AGO2: variants seen among roughly 807,000 people sequenced by gnomAD.
The protein encoded by AGO2 is argonaute RISC catalytic component 2.
Under a neutral mutation model 102.3 loss-of-function variants are expected in AGO2, and 5 were observed. The observed-to-expected ratio is 0.05, with a 90% CI of 0.03 to 0.10. The LOEUF is 0.10. AGO2 is among the 10% of genes least tolerant of loss of function. AGO2 has a pLI of 1.00. For synonymous variants in AGO2, 449 were observed against 473.1 expected (o/e 0.95, Z 0.66); for missense variants, 541 against 1,183.7 (o/e 0.46, Z 7.97).
intron 1 of AGO2, chr8:140,591,751 A>T (rs1031750223): frequency 6.6e-6 from 1 of 152,238 alleles, no homozygotes; most frequent in Non-Finnish European, 1.5e-5. Flanking sequence ...CCCATAAATT[A>T]TGAATACATT....
chr8:140,596,634 A>G (rs900881308), intron 1 of AGO2, among the ~76,000 whole-genome samples: 1 of 152,236 alleles, frequency 6.6e-6, no homozygotes, highest in Admixed American at 6.5e-5. Flanking sequence ...ACAGATAGTC[A>G]TTATGCCATT....
At chr8:140,554,207 C>A (rs1225462477) in intron 10 of AGO2, among the ~76,000 whole-genome samples, 1 of 152,244 alleles carries the variant, frequency 6.6e-6, no homozygotes, top group Non-Finnish European at 1.5e-5. Context: ...GGGGCGTCTC[C>A]TCCCCAACTC....
intron 2 of AGO2, among the ~76,000 whole-genome samples, chr8:140,580,689 G>A (rs951937239): frequency 6.6e-6 from 1 of 152,354 alleles, no homozygotes; most frequent in East Asian, 1.9e-4. Flanking sequence ...GGTGGGTCAT[G>A]GGAGGAGGCA....
At chr8:140,598,908 C>T (rs144596815) in intron 1 of AGO2, among the ~76,000 whole-genome samples, 55 of 152,332 alleles carry the variant, frequency 3.6e-4, no homozygotes, top group African/African-American at 1.3e-3. Flanking sequence ...CATGCGTTTT[C>T]CTGCCTCTGC....
intron 13 of AGO2, among the ~76,000 whole-genome samples, chr8:140,545,223 C>T (rs1263803726): frequency 2.6e-5 from 4 of 152,180 alleles, no homozygotes; most frequent in South Asian, 2.1e-4. Flanking sequence ...TCACTGCTTG[C>T]GCTGGCTCCC....
At chr8:140,596,817 C>T (rs374810732) in intron 1 of AGO2, among the ~76,000 whole-genome samples, 5 of 152,010 alleles carry the variant, frequency 3.3e-5, no homozygotes, top group African/African-American at 4.8e-5. Flanking sequence ...GGCAAGTGGC[C>T]GGGGTGGGGG....
At chr8:140,580,666 G>C (rs539126450) in intron 2 of AGO2, among the ~76,000 whole-genome samples, 8 of 152,376 alleles carry the variant, frequency 5.3e-5, no homozygotes, top group African/African-American at 1.9e-4. Flanking sequence ...GTGTGAGCGG[G>C]GGGTCTCAGG....
intron 16 of AGO2, among the ~76,000 whole-genome samples, chr8:140,536,740 A>G (rs1396496282): frequency 6.6e-6 from 1 of 152,066 alleles, no homozygotes; most frequent in Non-Finnish European, 1.5e-5. Flanking sequence ...AGGTGTCACC[A>G]GGAGCAAGCT....
At chr8:140,573,337 T>G (rs928815611) in intron 2 of AGO2, among the ~76,000 whole-genome samples, 3 of 150,866 alleles carry the variant, frequency 2.0e-5, no homozygotes, top group Non-Finnish European at 4.4e-5. Context: ...ACTTGGCTAA[T>G]TTTTTGTATT....
chr8:140,552,244 G>A (rs1189171961), intron 10 of AGO2, among the ~76,000 whole-genome samples: 1 of 152,240 alleles, frequency 6.6e-6, no homozygotes, highest in Non-Finnish European at 1.5e-5. Context: ...GCCTGCAGCT[G>A]TGTCGGAAAC....
intron 13 of AGO2, among the ~76,000 whole-genome samples, chr8:140,544,893 C>T (rs1188228915): frequency 3.3e-5 from 5 of 152,198 alleles, no homozygotes; most frequent in South Asian, 4.1e-4. Context: ...GGAGGCAGCA[C>T]GCACAGGGGC....
chr8:140,619,495 G>T (rs1030484302), intron 1 of AGO2, among the ~76,000 whole-genome samples: 1 of 152,222 alleles, frequency 6.6e-6, no homozygotes, highest in African/African-American at 2.4e-5. Context: ...AACAGACCTG[G>T]CGCCAGGGAC....
intron 1 of AGO2, among the ~76,000 whole-genome samples, chr8:140,633,482 CA>C (rs1199565080): frequency 2.0e-5 from 3 of 152,144 alleles, no homozygotes; most frequent in Non-Finnish European, 4.4e-5. Context: ...CAACAATCTC[CA>C]AAAAGCAGCG....
At chr8:140,547,933 C>T (rs1215538337) in intron 12 of AGO2, among the ~76,000 whole-genome samples, 1 of 152,204 alleles carries the variant, frequency 6.6e-6, no homozygotes, top group Non-Finnish European at 1.5e-5. Context: ...AATTTATCAA[C>T]AAAACGATTT....
intron 1 of AGO2, among the ~76,000 whole-genome samples, chr8:140,618,042 G>A (rs911458354): frequency 2.6e-5 from 4 of 151,658 alleles, no homozygotes; most frequent in African/African-American, 9.7e-5. Context: ...GGTGGCTCAC[G>A]CCTGTAATCC....
rs1273450694 is a variant in AGO2 at position 140,531,383 on chromosome 8, C to A, written c.*661G>T. Reference sequence around the variant, plus strand: ...ATTAAAATGGCACTTGTCTGCCAACCTCTCTGGACCTGGAAATGCTGTAAA... The same window carrying A: ...ATTAAAATGGCACTTGTCTGCCAACATCTCTGGACCTGGAAATGCTGTAAA... On this transcript the variant is annotated 3_prime_UTR_variant, in exon 19 of 19. Transcript: ENST00000220592. 5 of 152,554 alleles carry A rather than the reference C, an allele frequency of 3.3e-5. No homozygotes were observed. Among genetic ancestry groups the A allele is most frequent in the Non-Finnish European group, 7.3e-5 (5 of 68,042 alleles). 9.5% of individuals were successfully genotyped at this position (152,554 alleles called of 1,614,324 possible). A position where few individuals can be genotyped will look rare whatever the true frequency, so the allele number is the denominator to read the frequency against.
intron 1 of AGO2, among the ~76,000 whole-genome samples, chr8:140,596,398 AC>A (rs2073844154): frequency 6.6e-6 from 1 of 152,200 alleles, no homozygotes; most frequent in Admixed American, 6.5e-5. Context: ...AGCCTGACCA[AC>A]ATGGTGAAAC....
At chr8:140,571,810 A>G (rs560213826) in intron 3 of AGO2, among the ~76,000 whole-genome samples, 5 of 152,336 alleles carry the variant, frequency 3.3e-5, no homozygotes, top group African/African-American at 1.2e-4. Flanking sequence ...CAGTGGCACG[A>G]TATCAGCTCA....
At chr8:140,575,525 G>T (rs2073451384) in intron 2 of AGO2, among the ~76,000 whole-genome samples, 1 of 152,180 alleles carries the variant, frequency 6.6e-6, no homozygotes, top group African/African-American at 2.4e-5. Flanking sequence ...TCCATTGGAG[G>T]GGAAGGTGGG....
Sources: allele counts gnomAD v4.1 joint callset (sites outside exome capture counted in the v4.1 genomes callset), GRCh38; gene constraint gnomAD v4.1.1; transcripts MANE v1.5; gene names NCBI Gene and HGNC (gene_info 2026-07-23, HGNC 2026-07-21).